Variants in AKNA observed in about 807,000 individuals in gnomAD.
The protein encoded by AKNA is microtubule organization protein AKNA.
In AKNA, 67 loss-of-function variants were observed where a neutral mutation model predicts 138.8. The ratio of observed to expected loss-of-function variants is 0.48; its 90% CI spans 0.40 to 0.59. The LOEUF (loss-of-function observed/expected upper bound fraction) is 0.59, where lower values mean the gene tolerates loss of function less well. Ranked by LOEUF, AKNA falls within the 20% of genes least tolerant of loss-of-function variation. The pLI, the probability that AKNA is intolerant of heterozygous loss-of-function variation, is 0.00. For missense variants in AKNA, 1,813 were observed against 1,880.4 expected (o/e 0.96, Z 0.66); for synonymous variants, 737 against 754.4 (o/e 0.98, Z 0.38).
Position 114,350,964 on chromosome 9 carries a change from T to C in AKNA, c.3116A>G (p.Asn1039Ser), listed in dbSNP as rs567412127. 1.9e-5 allele frequency: 31 copies of C among 1,613,382 alleles called. 1 individual carries two copies. In the South Asian group the frequency reaches 3.0e-4, roughly 15 times the overall value. Reference protein sequence around the residue: ...HKRISEQPLPNKTISPPPAPA... With the variant: ...HKRISEQPLPSKTISPPPAPA... ...GGCTGGGGGTGGGCTGATTGTCTTGTTGGGAAGGGGCTGTTCAGAAATCCG... is the reference window on the plus strand; with the variant it reads ...GGCTGGGGGTGGGCTGATTGTCTTGCTGGGAAGGGGCTGTTCAGAAATCCG... Residue 1039 changes from asparagine (N) to serine (S), a missense_variant, in exon 15 of 22, where the codon AAC becomes AGC. Transcript: ENST00000374088.
chr9:114,381,337 G>A lies in AKNA; in HGVS notation c.-4C>T. 1 of 1,562,654 alleles carries A rather than the reference G, an allele frequency of 6.4e-7. No homozygotes were observed. Among genetic ancestry groups the A allele is most frequent in the East Asian group, 2.3e-5 (1 of 43,294 alleles). ...TCTCAGTCTCCGAGCTGGCCATTGGGGCTGGCCTGGGCTTCACCTGGGCCA... is the reference window on the plus strand; with the variant it reads ...TCTCAGTCTCCGAGCTGGCCATTGGAGCTGGCCTGGGCTTCACCTGGGCCA... On this transcript the variant is annotated 5_prime_UTR_variant, in exon 2 of 22. Transcript: ENST00000374088.
At position 114,350,932 on chromosome 9, in the gene AKNA, G is replaced by A; in HGVS notation, c.3148C>T (p.Pro1050Ser). ...KTISPPPAPAPAAAPLPCGPT... is the reference protein window; with the variant it reads ...KTISPPPAPASAAAPLPCGPT... ...CCACAGGGTAGAGGCGCAGCGGCAG[G>A]GGCGGGGGCTGGGGGTGGGCTGATT... The change falls in exon 15 of 22, where the codon CCT becomes TCT. Residue 1050 changes from proline (P) to serine (S), a missense_variant. Pro to Ser is a moderately conservative substitution (Grantham distance 74). Transcript: ENST00000374088. The A allele has an allele frequency of 1.9e-6, 3 of 1,611,942 alleles. No individual in the cohort carries two copies. Among genetic ancestry groups the A allele is most frequent in the Non-Finnish European group, 2.5e-6 (3 of 1,179,234 alleles).
rs758024008 is a variant in AKNA, at chr9:114,360,045, GGCAGTGGTGGTA to G, written c.2130_2141del (p.Thr711_Ala714del). 1 of 1,614,172 alleles carries G rather than the reference GGCAGTGGTGGTA, an allele frequency of 6.2e-7. No individual in the cohort carries two copies. Among genetic ancestry groups the G allele is most frequent in the South Asian group, 1.1e-5 (1 of 91,086 alleles). ...ATGGGCAGGGGCCAGTGCTGGCGGC[GGCAGTGGTGGTA>G]GCAGGCTGGGGTCAGAAAGATGGAC... On this transcript the variant is annotated inframe_deletion, in exon 10 of 22. Transcript: ENST00000374088.
intron 4 of AKNA, among the ~76,000 whole-genome samples, chr9:114,369,648 C>T (rs1395647282): frequency 6.6e-6 from 1 of 152,124 alleles, no homozygotes; most frequent in Non-Finnish European, 1.5e-5. Context: ...CCACCACCGT[C>T]ATCACCACTA....
At chr9:114,355,506 C>G (rs572082874) in intron 14 of AKNA, among the ~76,000 whole-genome samples, 24 of 152,310 alleles carry the variant, frequency 1.6e-4, no homozygotes, top group African/African-American at 5.5e-4. Flanking sequence ...ACCGGCAGCG[C>G]AGTAGGTTTG....
At position 114,381,256 on chromosome 9, in the gene AKNA, C is replaced by A; in HGVS notation, c.78G>T (p.Trp26Cys). 6.2e-7 allele frequency: 1 copy of A among 1,613,846 alleles called. No individual in the cohort carries two copies. Among genetic ancestry groups the A allele is most frequent in the African/African-American group, 1.3e-5 (1 of 75,044 alleles). Reference protein sequence around the residue: ...GKGPQRRRWAWAEDKRDVDRS... With the variant: ...GKGPQRRRWACAEDKRDVDRS... Reference sequence around the variant, plus strand: ...TATCCACATCCCTCTTGTCCTCGGCCCAGGCCCAGCGCCGCCGCTGGGGGC... The same window carrying A: ...TATCCACATCCCTCTTGTCCTCGGCACAGGCCCAGCGCCGCCGCTGGGGGC... Residue 26 changes from tryptophan (W) to cysteine (C), a missense_variant, in exon 2 of 22, where the codon TGG becomes TGT. Trp to Cys is a radical substitution (Grantham distance 215). Transcript: ENST00000374088.
chr9:114,370,602 AGCCAGG>A (rs1832701696), intron 4 of AKNA, among the ~76,000 whole-genome samples: 1 of 152,116 alleles, frequency 6.6e-6, no homozygotes, highest in African/African-American at 2.4e-5. Flanking sequence ...CTCTGGACAC[AGCCAGG>A]GTGTCCCGGG....
At chr9:114,341,917 C>T (rs1011739251) in intron 20 of AKNA, 92 bp downstream of exon 20, 1 of 1,375,684 alleles carries the variant, frequency 7.3e-7, no homozygotes, top group South Asian at 1.2e-5. Flanking sequence ...ACTGGAACAA[C>T]AGCTGCTCCA....
At chr9:114,372,967 G>C (rs1042010649) in intron 4 of AKNA, among the ~76,000 whole-genome samples, 1 of 137,760 alleles carries the variant, frequency 7.3e-6, no homozygotes, top group Non-Finnish European at 1.6e-5. Flanking sequence ...GACGCAGCGG[G>C]GGGGGGGGGG....
intron 19 of AKNA, among the ~76,000 whole-genome samples, chr9:114,342,772 C>T (rs1443547658): frequency 6.6e-6 from 1 of 151,916 alleles, no homozygotes; most frequent in Non-Finnish European, 1.5e-5. Flanking sequence ...CCCCCAGCCC[C>T]ACTCGTGCTC....
In AKNA at chr9:114,361,823, G is replaced by A. The variant is rs778032002; in HGVS notation, c.2005C>T (p.Pro669Ser). 3.7e-6 allele frequency: 6 copies of A among 1,613,374 alleles called. No homozygotes were observed. The highest frequency in any genetic ancestry group is 3.4e-6 in the Non-Finnish European group (4 of 1,180,024). Residue 669 changes from proline to serine, a missense_variant, in exon 9 of 22, where the codon CCC becomes TCC. Pro to Ser is a moderately conservative substitution (Grantham distance 74). Coordinates refer to ENST00000374088, the MANE Select transcript of AKNA (RefSeq NM_001317950.2). ...IDQTQQEPEP[P>S]GSDSALDSTP... ...CTGTCCAGAGCTGAGTCTGACCCGG[G>A]CGGCTCAGGCTCTTGCTGGGTCTGG...
At chr9:114,369,721 ACT>A (rs1453741822) in intron 4 of AKNA, among the ~76,000 whole-genome samples, 1 of 151,934 alleles carries the variant, frequency 6.6e-6, no homozygotes, top group East Asian at 1.9e-4. Context: ...CATCACCACC[ACT>A]GTCATTACCA....
chr9:114,347,197 A>G (rs1830743779), intron 16 of AKNA, among the ~76,000 whole-genome samples: 1 of 151,976 alleles, frequency 6.6e-6, no homozygotes, highest in Non-Finnish European at 1.5e-5. Context: ...GGGTCTAGGG[A>G]TATTCATTGT....
In AKNA at chr9:114,334,744, C is replaced by G. The variant is rs1469193620; in HGVS notation, c.*2310G>C. ...TTGAGCAATTCCACGTGTGCAGCTG[C>G]GTATACCATCCAGGGTGATAGGACC... is the stretch of plus-strand genomic sequence containing the variant. On this transcript the variant is annotated 3_prime_UTR_variant, in exon 22 of 22. Transcript: ENST00000374088. The G allele has an allele frequency of 2.0e-5, 3 of 146,656 alleles. No homozygotes were observed. The East Asian group carries it at 5.8e-4, about 28-fold the overall frequency. 9.1% of individuals were successfully genotyped at this position (146,656 alleles called of 1,614,324 possible).
At chr9:114,383,090 G>A (rs59608349) in intron 1 of AKNA, 5,594 of 455,228 alleles carry the variant, frequency 0.012, 275 homozygotes, top group African/African-American at 0.1. Context: ...GAGTGGTTTC[G>A]CCGCCGATGG....
At chr9:114,340,827 G>T (rs182184634) in intron 21 of AKNA, among the ~76,000 whole-genome samples, 32 of 152,262 alleles carry the variant, frequency 2.1e-4, no homozygotes, top group African/African-American at 7.5e-4. Flanking sequence ...GGACTCCCCA[G>T]AGATGTCCAG....
At chr9:114,394,470 A>G (rs1024696795), upstream of AKNA, 6 of 152,150 alleles carry the variant, frequency 3.9e-5, no homozygotes, top group Non-Finnish European at 7.3e-5. Context: ...CTGACATCCT[A>G]TAACATTCTG....
chr9:114,396,056 C>T (rs1435097469), upstream of AKNA, among the ~76,000 whole-genome samples: 1 of 152,136 alleles, frequency 6.6e-6, no homozygotes, highest in African/African-American at 2.4e-5. Context: ...GACAACATCA[C>T]GTAACTGATA....
intron 3 of AKNA, among the ~76,000 whole-genome samples, 181 bp from the exon 4 acceptor site, chr9:114,374,348 G>A (rs529072782): frequency 3.9e-5 from 6 of 152,332 alleles, no homozygotes; most frequent in African/African-American, 1.4e-4. Context: ...GACCCACCAC[G>A]TTCAAGTTCT....
Sources: gnomAD v4.1 joint callset for allele counts (sites outside exome capture counted in the v4.1 genomes callset) on GRCh38, gnomAD v4.1.1 for gene constraint, MANE v1.5 for transcripts, NCBI Gene and HGNC (gene_info 2026-07-23, HGNC 2026-07-21) for gene names.